Variants in GPD2 observed in about 807,000 individuals in gnomAD.
GPD2 encodes glycerol-3-phosphate dehydrogenase 2.
GPD2 carries 54 observed loss-of-function variants against 82.4 expected under a neutral mutation model. The observed-to-expected ratio is 0.66, with a 90% CI of 0.53 to 0.82. GPD2 has a LOEUF of 0.82. Among genes scored for constraint, GPD2 ranks in the 40% least tolerant of loss-of-function variants. GPD2 has a pLI of 0.00. For missense variants in GPD2, 748 were observed against 896.2 expected (o/e 0.83, Z 2.11); for synonymous variants, 288 against 306.1 (o/e 0.94, Z 0.62).
chr2:156,459,236 G>T (rs4664206), intron 1 of GPD2, among the ~76,000 whole-genome samples: 34,144 of 151,960 alleles, frequency 0.22, 4,968 homozygotes, highest in South Asian at 0.33. Context: ...CAGTATGAAA[G>T]TGTTGCTTTT....
At chr2:156,490,898 T>A (rs942773799) in intron 2 of GPD2, among the ~76,000 whole-genome samples, 1 of 152,202 alleles carries the variant, frequency 6.6e-6, no homozygotes, top group Non-Finnish European at 1.5e-5. Flanking sequence ...GTCAAGTGTA[T>A]TGAGGTATAA....
chr2:156,556,970 A>G (rs1558959768), intron 8 of GPD2, among the ~76,000 whole-genome samples: 1 of 152,220 alleles, frequency 6.6e-6, no homozygotes, highest in Non-Finnish European at 1.5e-5. Context: ...TCAGGAAAAT[A>G]CTTTGGCTAT....
Position 156,525,365 on chromosome 2 carries a change from G to C in GPD2, c.661+11869G>C, listed in dbSNP as rs116777702. On this transcript the variant is annotated intron_variant, in intron 6 of 16. Transcript: ENST00000438166. Reference sequence around the variant, plus strand: ...TGACAAGATACTCCGGTTTCATCTTGAAACTTTCCTTCCCTAGTTTTGGAA... The same window carrying C: ...TGACAAGATACTCCGGTTTCATCTTCAAACTTTCCTTCCCTAGTTTTGGAA... 2.4e-3 allele frequency among the ~76,000 whole-genome samples: 365 copies of C among 152,244 alleles called. 1 individual carries two copies. Among genetic ancestry groups the C allele is most frequent in the African/African-American group, 8.2e-3 (340 of 41,552 alleles).
intron 3 of GPD2, among the ~76,000 whole-genome samples, chr2:156,498,520 G>A (rs1198023427): frequency 2.0e-5 from 3 of 152,192 alleles, no homozygotes; most frequent in Non-Finnish European, 4.4e-5. Context: ...CAGTGTATGT[G>A]GGAGACAGCA....
Position 156,549,678 on chromosome 2 carries a change from C to T in GPD2, c.732C>T (p.Ala244=). Residue 244 remains alanine (A), a synonymous_variant, in exon 7 of 17, where the codon GCC becomes GCT. Coordinates refer to ENST00000438166, the MANE Select transcript of GPD2 (RefSeq NM_000408.5). ...CTGCCAGGTATGGGGCTGCCACAGC[C>T]AATTACATGGAGGTAGTGAGCTTGC... ...LTAARYGAAT[A]NYMEVVSLLK... is the part of the protein sequence containing the mutation. 1 of 1,613,642 alleles carries T rather than the reference C, an allele frequency of 6.2e-7. No individual in the cohort carries two copies. The highest frequency in any genetic ancestry group is 8.5e-7 in the Non-Finnish European group (1 of 1,179,532).
chr2:156,403,532 G>T, the GPD2 span, among the ~76,000 whole-genome samples: 1 of 152,016 alleles, frequency 6.6e-6, no homozygotes, highest in African/African-American at 2.4e-5. Context: ...CAGACTTTTG[G>T]TTAGGTAAAT....
intron 1 of GPD2, among the ~76,000 whole-genome samples, chr2:156,472,909 T>A (rs992311155): frequency 6.6e-6 from 1 of 152,232 alleles, no homozygotes; most frequent in Non-Finnish European, 1.5e-5. Flanking sequence ...CCCCATTTCC[T>A]CTGAGCTACC....
the GPD2 span, among the ~76,000 whole-genome samples, chr2:156,429,289 A>T: frequency 4.6e-5 from 7 of 152,212 alleles, no homozygotes; most frequent in Non-Finnish European, 1.0e-4. Context: ...TACTCTGAAA[A>T]GCTGAATTCT....
Position 156,460,140 on chromosome 2 carries a change from A to G in GPD2, c.-8-15958A>G, listed in dbSNP as rs569020936. Among the ~76,000 whole-genome samples the G allele has an allele frequency of 2.0e-5, 3 of 152,312 alleles. No individual in the cohort carries two copies. In the South Asian group the frequency reaches 6.2e-4, roughly 32 times the overall value. On this transcript the variant is annotated intron_variant, in intron 1 of 16. Coordinates refer to ENST00000438166, the MANE Select transcript of GPD2 (RefSeq NM_000408.5). ...CAATTTTATCTCAGACATTATCTCA[A>G]AATTATTTCAAAATTTATGGTTGAA... is the stretch of plus-strand genomic sequence containing the variant.
At chr2:156,460,454 A>G (rs1044744480) in intron 1 of GPD2, among the ~76,000 whole-genome samples, 4 of 152,178 alleles carry the variant, frequency 2.6e-5, no homozygotes, top group African/African-American at 9.7e-5. Context: ...AATATAAATA[A>G]CTGTAATTAA....
rs1684520351 is a variant in GPD2 at position 156,499,774 on chromosome 2, G to A, written c.274+3559G>A. ...TTATGGAAAAACTCATTGCAATGAT[G>A]TTCTTATTAATTATTCTTTAGGTTG... On this transcript the variant is annotated intron_variant, in intron 3 of 16. Transcript: ENST00000438166. Among the ~76,000 whole-genome samples, 10 of 147,498 alleles carry A rather than the reference G, an allele frequency of 6.8e-5. No homozygotes were observed. In the South Asian group the frequency reaches 2.1e-3, roughly 31 times the overall value.
chr2:156,442,678 C>T (rs1005704498), intron 1 of GPD2, among the ~76,000 whole-genome samples: 2 of 151,910 alleles, frequency 1.3e-5, no homozygotes, highest in Non-Finnish European at 1.5e-5. Context: ...TCTGGTGGTG[C>T]GTGTCTCCTA....
chr2:156,445,099 T>A (rs1402126608), intron 1 of GPD2, among the ~76,000 whole-genome samples: 1 of 152,194 alleles, frequency 6.6e-6, no homozygotes, highest in Non-Finnish European at 1.5e-5. Flanking sequence ...TAACCTAACG[T>A]GGTCTTTTTC....
In GPD2 at chr2:156,510,818, A is replaced by T; in HGVS notation, c.297A>T (p.Glu99Asp). The T allele has an allele frequency of 1.9e-6, 3 of 1,613,394 alleles. No individual in the cohort carries two copies. The highest frequency in any genetic ancestry group is 2.5e-6 in the Non-Finnish European group (3 of 1,179,322). The change falls in exon 4 of 17, where the codon GAA becomes GAT. Residue 99 changes from glutamate to aspartate, a missense_variant. Physicochemically the swap from Glu to Asp is conservative, Grantham distance 45. Transcript: ENST00000438166. ...VTRGLKTALV[E>D]RDDFSSGTSS... is the part of the protein sequence containing the mutation. ...CAGGACTAAAAACAGCCCTTGTAGA[A>T]AGAGATGATTTCTCATCAGGGACCA...
intron 3 of GPD2, among the ~76,000 whole-genome samples, chr2:156,502,328 A>G (rs1468062508): frequency 6.6e-6 from 1 of 152,222 alleles, no homozygotes; most frequent in Admixed American, 6.5e-5. Flanking sequence ...ATTAAAATGT[A>G]TCCATGGCAA....
At chr2:156,456,708 G>A (rs1374104347) in intron 1 of GPD2, among the ~76,000 whole-genome samples, 1 of 152,158 alleles carries the variant, frequency 6.6e-6, no homozygotes, top group African/African-American at 2.4e-5. Context: ...GTAAGAGTGG[G>A]AAGGGCAAAT....
chr2:156,570,173 T>A lies in GPD2; in HGVS notation c.1563T>A (p.Ile521=). The change falls in exon 12 of 17, where the codon ATT becomes ATA. Residue 521 remains isoleucine (I), a synonymous_variant. Coordinates refer to ENST00000438166, the MANE Select transcript of GPD2 (RefSeq NM_000408.5). ...MASVTGKRWP[I]VGVRLVSEFP... ...GTGTGACTGGCAAAAGGTGGCCTAT[T>A]GTTGGAGTACGTCTTGTGTCAGAAT... The A allele has an allele frequency of 6.2e-7, 1 of 1,613,086 alleles. No individual in the cohort carries two copies. The highest frequency in any genetic ancestry group is 8.5e-7 in the Non-Finnish European group (1 of 1,179,278).
Position 156,579,068 on chromosome 2 carries a change from T to A in GPD2, c.1881-18T>A, listed in dbSNP as rs753268844. The A allele has an allele frequency of 3.2e-6, 5 of 1,582,526 alleles. No homozygotes were observed. The South Asian group carries it at 4.4e-5, about 14-fold the overall frequency. ...CCTATGTAAGTATATTTTTCCATTATTTAATCTTGTGTTCCAGGTATAAGA... is the reference window on the plus strand; with the variant it reads ...CCTATGTAAGTATATTTTTCCATTAATTAATCTTGTGTTCCAGGTATAAGA... On this transcript the variant is annotated intron_variant, in intron 14 of 16. Coordinates refer to ENST00000438166, the MANE Select transcript of GPD2 (RefSeq NM_000408.5).
At chr2:156,449,809 G>C (rs1682488612) in intron 1 of GPD2, among the ~76,000 whole-genome samples, 1 of 134,290 alleles carries the variant, frequency 7.4e-6, no homozygotes, top group African/African-American at 2.7e-5. Flanking sequence ...CCAGGAGTTC[G>C]AGACCAGCCT....
Sources: allele counts gnomAD v4.1 joint callset (sites outside exome capture counted in the v4.1 genomes callset), GRCh38; gene constraint gnomAD v4.1.1; transcripts MANE v1.5; gene names NCBI Gene and HGNC (gene_info 2026-07-23, HGNC 2026-07-21).